PPP2R5E: variants seen among roughly 807,000 people sequenced by gnomAD.
PPP2R5E encodes protein phosphatase 2 regulatory subunit B'epsilon, also known as serine/threonine-protein phosphatase 2A 56 kDa regulatory subunit epsilon isoform.
Under a neutral mutation model 65.3 loss-of-function variants are expected in PPP2R5E, and 4 were observed. The ratio of observed to expected loss-of-function variants is 0.06; its 90% CI spans 0.03 to 0.14. PPP2R5E has a LOEUF of 0.14. Among genes scored for constraint, PPP2R5E ranks in the 10% least tolerant of loss-of-function variants. The pLI, the probability that PPP2R5E is intolerant of heterozygous loss-of-function variation, is 1.00. For missense variants in PPP2R5E, 274 were observed against 556.1 expected (o/e 0.49, Z 5.10); for synonymous variants, 183 against 187.4 (o/e 0.98, Z 0.19).
At chr14:63,481,110 G>A (rs933085112) in intron 2 of PPP2R5E, among the ~76,000 whole-genome samples, 1 of 152,182 alleles carries the variant, frequency 6.6e-6, no homozygotes, top group Non-Finnish European at 1.5e-5. Flanking sequence ...AAGGGACTGA[G>A]TGATGCTGCA....
At chr14:63,534,456 G>A (rs1426250388) in intron 2 of PPP2R5E, among the ~76,000 whole-genome samples, 1 of 151,986 alleles carries the variant, frequency 6.6e-6, no homozygotes, top group Non-Finnish European at 1.5e-5. Flanking sequence ...CAGAGATGGG[G>A]TTTTACCCTG....
chr14:63,464,671 A>G (rs1889685648), intron 2 of PPP2R5E, among the ~76,000 whole-genome samples: 1 of 152,208 alleles, frequency 6.6e-6, no homozygotes, highest in African/African-American at 2.4e-5. Flanking sequence ...CTGTTTACTG[A>G]CAATGGACAA....
Position 63,372,212 on chromosome 14 carries a change from G to A in PPP2R5E, c.*3797C>T, listed in dbSNP as rs1335866421. 6.6e-6 allele frequency: 1 copy of A among 152,126 alleles called. No homozygotes were observed. The highest frequency in any genetic ancestry group is 1.9e-4 in the East Asian group (1 of 5,192). The allele number at this position is 152,126 out of a possible 1,614,324, so 9.4% of individuals were successfully genotyped here. On this transcript the variant is annotated 3_prime_UTR_variant, in exon 14 of 14. Transcript: ENST00000337537. ...ATACTACTGCTGCTATCGTGCACAA[G>A]AAGCAGCACAAATTAACATTCCGCT...
intron 2 of PPP2R5E, among the ~76,000 whole-genome samples, chr14:63,487,902 G>T (rs748845664): frequency 9.5e-5 from 14 of 147,682 alleles, no homozygotes; most frequent in Non-Finnish European, 2.0e-4. Context: ...TACCATCAAG[G>T]TTTTAGTAAC....
intron 2 of PPP2R5E, among the ~76,000 whole-genome samples, chr14:63,500,515 A>G (rs1261294014): frequency 2.6e-5 from 4 of 152,242 alleles, no homozygotes; most frequent in Non-Finnish European, 4.4e-5. Context: ...TGTATGGTTA[A>G]CTGGTAATGA....
At chr14:63,455,687 T>C (rs1199435906) in intron 2 of PPP2R5E, among the ~76,000 whole-genome samples, 1 of 152,236 alleles carries the variant, frequency 6.6e-6, no homozygotes, top group Non-Finnish European at 1.5e-5. Flanking sequence ...AGGCTGCTTA[T>C]GAGCATGACT....
intron 2 of PPP2R5E, among the ~76,000 whole-genome samples, chr14:63,506,319 C>T (rs528721641): frequency 2.6e-4 from 39 of 152,062 alleles, no homozygotes; most frequent in African/African-American, 7.2e-4. Context: ...GGCATGGTGG[C>T]GGGCGCCTGT....
At chr14:63,453,972 T>TA (rs1162541538) in intron 2 of PPP2R5E, 87 bp from the exon 3 acceptor site, 810 of 1,004,490 alleles carry the variant, frequency 8.1e-4, no homozygotes, top group South Asian at 1.2e-3. Context: ...AAAGGCAAGC[T>TA]AAAAAAAAAT....
chr14:63,519,565 G>C (rs1171786722), intron 2 of PPP2R5E, among the ~76,000 whole-genome samples: 1 of 149,016 alleles, frequency 6.7e-6, no homozygotes, highest in Non-Finnish European at 1.5e-5. Flanking sequence ...TGTTGGCCAG[G>C]GGGGTCTCGA....
At chr14:63,453,936 C>T in intron 2 of PPP2R5E, 51 bp from the exon 3 acceptor site, 1 of 1,322,526 alleles carries the variant, frequency 7.6e-7, no homozygotes, top group Non-Finnish European at 1.0e-6. Context: ...TTCCAGGTAA[C>T]AGGAATTCTC....
intron 2 of PPP2R5E, among the ~76,000 whole-genome samples, chr14:63,525,876 G>C (rs1893166034): frequency 6.6e-6 from 1 of 151,816 alleles, no homozygotes; most frequent in Non-Finnish European, 1.5e-5. Context: ...TCTTTTTTTT[G>C]AGATGGAGTT....
intron 3 of PPP2R5E, among the ~76,000 whole-genome samples, chr14:63,429,778 G>A (rs1346918067): frequency 7.3e-5 from 11 of 151,718 alleles, no homozygotes; most frequent in Non-Finnish European, 1.3e-4. Flanking sequence ...CCACCTCCCC[G>A]ATTCAAGTGA....
rs1889872826 is a variant in PPP2R5E at position 63,467,231 on chromosome 14, CAAACAAACAAACA to C, written c.158-13359_158-13347del. On this transcript the variant is annotated intron_variant, in intron 2 of 13. Transcript: ENST00000337537. ...GAGCAAGACTCCGTCTCAAAAAAAA[CAAACAAACAAACA>C]AAAAAAACACTATTTACAACATGTT... is the stretch of plus-strand genomic sequence containing the variant. Among the ~76,000 whole-genome samples, 3 of 113,142 alleles carry C rather than the reference CAAACAAACAAACA, an allele frequency of 2.7e-5. 1 individual carries two copies. The highest frequency in any genetic ancestry group is 1.5e-4 in the African/African-American group (3 of 19,512). 74.2% of individuals were successfully genotyped at this position (113,142 alleles called of 152,430 possible).
chr14:63,460,676 T>A (rs1453750042), intron 2 of PPP2R5E, among the ~76,000 whole-genome samples: 2 of 152,196 alleles, frequency 1.3e-5, no homozygotes, highest in African/African-American at 4.8e-5. Flanking sequence ...ACAACGAACA[T>A]GTATTTATTA....
At chr14:63,396,976 T>C (rs893606366) in intron 5 of PPP2R5E, among the ~76,000 whole-genome samples, 14 of 152,204 alleles carry the variant, frequency 9.2e-5, no homozygotes, top group African/African-American at 3.1e-4. Context: ...ATATGGCACT[T>C]ACTGTGATCA....
chr14:63,540,654 C>T (rs1371711058), intron 1 of PPP2R5E, among the ~76,000 whole-genome samples: 4 of 146,240 alleles, frequency 2.7e-5, no homozygotes, highest in East Asian at 4.1e-4. Flanking sequence ...ACCCGGGAGG[C>T]GGAGTTGTGG....
At chr14:63,439,650 A>C (rs1888117485) in intron 3 of PPP2R5E, among the ~76,000 whole-genome samples, 1 of 152,344 alleles carries the variant, frequency 6.6e-6, no homozygotes, top group Admixed American at 6.5e-5. Flanking sequence ...CTGGGATTAC[A>C]GGCGTGAGCC....
At chr14:63,486,883 C>T (rs1303745699) in intron 2 of PPP2R5E, among the ~76,000 whole-genome samples, 2 of 152,164 alleles carry the variant, frequency 1.3e-5, no homozygotes, top group Admixed American at 6.5e-5. Context: ...GTGATCTCTC[C>T]CATCCTTTGA....
intron 5 of PPP2R5E, among the ~76,000 whole-genome samples, chr14:63,413,317 A>G (rs1886507108): frequency 1.3e-5 from 2 of 152,206 alleles, no homozygotes; most frequent in South Asian, 4.1e-4. Flanking sequence ...CTAATAGAGA[A>G]TTACTATCTG....
Sources: gnomAD v4.1 joint callset for allele counts (sites outside exome capture counted in the v4.1 genomes callset) on GRCh38, gnomAD v4.1.1 for gene constraint, MANE v1.5 for transcripts, NCBI Gene and HGNC (gene_info 2026-07-23, HGNC 2026-07-21) for gene names.